FAM149B1: variants seen among roughly 807,000 people sequenced by gnomAD.
FAM149B1 encodes the protein family with sequence similarity 149 member B1.
In FAM149B1, 56 loss-of-function variants were observed where a neutral mutation model predicts 75.3. The ratio of observed to expected loss-of-function variants is 0.74; its 90% CI spans 0.60 to 0.93. The LOEUF (loss-of-function observed/expected upper bound fraction) is 0.93, where lower values mean the gene tolerates loss of function less well. Ranked by LOEUF, FAM149B1 falls within the 40% of genes least tolerant of loss-of-function variation. The pLI is 0.00. For missense variants in FAM149B1, 639 were observed against 708.4 expected (o/e 0.90, Z 1.11); for synonymous variants, 259 against 256.1 (o/e 1.01, Z -0.11).
chr10:73,183,688 G>A (rs1354428996), intron 3 of FAM149B1: 1 of 152,172 alleles, frequency 6.6e-6, no homozygotes, highest in Non-Finnish European at 1.5e-5. Flanking sequence ...GGACAAAATG[G>A]TGAGGTGCAA....
In FAM149B1 at chr10:73,193,521, T is replaced by C; in HGVS notation, c.470T>C (p.Leu157Ser). 1 of 1,550,436 alleles carries C rather than the reference T, an allele frequency of 6.4e-7. No individual in the cohort carries two copies. The highest frequency in any genetic ancestry group is 8.7e-7 in the Non-Finnish European group (1 of 1,146,580). The change falls in exon 5 of 14, where the codon TTG (leucine) becomes TCG (serine). Residue 157 changes from leucine to serine, a missense_variant. By Grantham distance (145) the Leu-to-Ser change is moderately radical (BLOSUM62 -2). Coordinates refer to ENST00000242505, the MANE Select transcript of FAM149B1 (RefSeq NM_173348.2). Reference sequence around the variant, plus strand: ...ATCACTCCAAGTGAAGGTTATAGATTGTATCCTAGATCCCCTTCTGCTGTT... The same window carrying C: ...ATCACTCCAAGTGAAGGTTATAGATCGTATCCTAGATCCCCTTCTGCTGTT... Reference protein sequence around the residue: ...QIITPSEGYRLYPRSPSAVSA... With the variant: ...QIITPSEGYRSYPRSPSAVSA...
intron 2 of FAM149B1, among the ~76,000 whole-genome samples, chr10:73,176,874 A>G (rs976048100): frequency 6.6e-6 from 1 of 152,180 alleles, no homozygotes; most frequent in Non-Finnish European, 1.5e-5. Flanking sequence ...TAAAAATACA[A>G]AAATTGGCTG....
chr10:73,181,836 GGTGT>G (rs1189352460), intron 3 of FAM149B1, among the ~76,000 whole-genome samples: 1 of 152,114 alleles, frequency 6.6e-6, no homozygotes, highest in Non-Finnish European at 1.5e-5. Flanking sequence ...CTGAAAGTTG[GGTGT>G]TGAAGTCTCC....
chr10:73,240,440 T>C (rs11000560), intron 13 of FAM149B1, among the ~76,000 whole-genome samples: 8,128 of 151,978 alleles, frequency 0.053, 259 homozygotes, highest in Admixed American at 0.077. Context: ...TGGCTGGGCG[T>C]GGTGGCTCAT....
chr10:73,210,245 T>C lies in FAM149B1; in HGVS notation c.711-6T>C. On this transcript the variant is annotated splice_polypyrimidine_tract_variant and splice_region_variant and intron_variant, in intron 6 of 13. Coordinates refer to ENST00000242505, the MANE Select transcript of FAM149B1 (RefSeq NM_173348.2). The stretch of plus-strand genomic sequence containing the variant: ...ATGAAGTCTTTCCTTCTTGCTTCTG[T>C]TACAGAGAAGAGGGATTTCATGGGA... 1 of 1,547,716 alleles carries C rather than the reference T, an allele frequency of 6.5e-7. No homozygotes were observed. The highest frequency in any genetic ancestry group is 8.7e-7 in the Non-Finnish European group (1 of 1,144,134).
At chr10:73,168,729 G>A in intron 1 of FAM149B1, 1 of 274,548 alleles carries the variant, frequency 3.6e-6, no homozygotes, top group Non-Finnish European at 6.8e-6. Context: ...ACTGTGCAAA[G>A]CTATTTACAT....
chr10:73,239,752 G>C (rs1261215432), intron 13 of FAM149B1, among the ~76,000 whole-genome samples: 1 of 151,828 alleles, frequency 6.6e-6, no homozygotes, highest in Non-Finnish European at 1.5e-5. Flanking sequence ...TATTATGCAG[G>C]CAAAATCCAT....
intron 3 of FAM149B1, among the ~76,000 whole-genome samples, chr10:73,188,731 AAG>A: frequency 7.3e-6 from 1 of 137,660 alleles, no homozygotes. Context: ...TCTCAGAAAA[AAG>A]AAAAAAAAAA....
At position 73,243,308 on chromosome 10, in the gene FAM149B1, A is replaced by G. The variant is rs2043974420; in HGVS notation, c.*2289A>G. ...GGCTGGAAAGACACCTTTTCTCAAGAGCTGAATTGACTTTTGCCTTCAAAT... is the reference window on the plus strand; with the variant it reads ...GGCTGGAAAGACACCTTTTCTCAAGGGCTGAATTGACTTTTGCCTTCAAAT... On this transcript the variant is annotated 3_prime_UTR_variant, in exon 14 of 14. Transcript: ENST00000242505. 7.0e-7 allele frequency: 1 copy of G among 1,434,652 alleles called. No homozygotes were observed. Among genetic ancestry groups the G allele is most frequent in the Non-Finnish European group, 9.6e-7 (1 of 1,044,718 alleles). The allele number at this position is 1,434,652 out of a possible 1,614,324, so 88.9% of individuals were successfully genotyped here.
chr10:73,193,692 T>C (rs1299780408), intron 5 of FAM149B1, 99 bp downstream of exon 5: 9 of 1,158,434 alleles, frequency 7.8e-6, no homozygotes, highest in African/African-American at 6.2e-5. Flanking sequence ...TTCCTACTTA[T>C]TAGTATTTAG....
Position 73,243,900 on chromosome 10 carries a change from C to T in FAM149B1, c.*2881C>T. On this transcript the variant is annotated 3_prime_UTR_variant, in exon 14 of 14. Transcript: ENST00000242505. ...CATCAAGCCCCAACTCCTTTCTGCTCATTTCTGCTTCTTTGGCCTCTTCCT... is the reference window on the plus strand; with the variant it reads ...CATCAAGCCCCAACTCCTTTCTGCTTATTTCTGCTTCTTTGGCCTCTTCCT... 1.2e-6 allele frequency: 2 copies of T among 1,614,136 alleles called. No individual in the cohort carries two copies. Among genetic ancestry groups the T allele is most frequent in the Non-Finnish European group, 1.7e-6 (2 of 1,180,022 alleles).
At chr10:73,189,738 C>G (rs2042634945) in intron 3 of FAM149B1, among the ~76,000 whole-genome samples, 1 of 152,144 alleles carries the variant, frequency 6.6e-6, no homozygotes, top group Non-Finnish European at 1.5e-5. Flanking sequence ...TTTGGAAAAG[C>G]TGCAAAGGAG....
At chr10:73,206,734 G>A (rs1357618685) in intron 5 of FAM149B1, among the ~76,000 whole-genome samples, 1 of 152,140 alleles carries the variant, frequency 6.6e-6, no homozygotes, top group East Asian at 1.9e-4. Context: ...GTGATCCATG[G>A]TGAAACCTTG....
At chr10:73,174,603 G>A in intron 1 of FAM149B1, 84 bp from the exon 2 acceptor site, 1 of 958,510 alleles carries the variant, frequency 1.0e-6, no homozygotes, top group Non-Finnish European at 1.6e-6. Flanking sequence ...AGCAGAGGAA[G>A]TAGGTGACTA....
chr10:73,243,537 A>T lies in FAM149B1; in HGVS notation c.*2518A>T. 1 of 1,613,706 alleles carries T rather than the reference A, an allele frequency of 6.2e-7. No homozygotes were observed. Among genetic ancestry groups the T allele is most frequent in the Non-Finnish European group, 8.5e-7 (1 of 1,179,902 alleles). On this transcript the variant is annotated 3_prime_UTR_variant, in exon 14 of 14. Transcript: ENST00000242505. ...TGTCTGCTCTGTTTGAGAAGTTAAA[A>T]CACAAGCTTTCACAACATTATCCAT...
chr10:73,236,430 T>C (rs1589196450), intron 12 of FAM149B1, among the ~76,000 whole-genome samples: 1 of 151,298 alleles, frequency 6.6e-6, no homozygotes, highest in African/African-American at 2.4e-5. Context: ...TTTTTTTTTT[T>C]TGAGACGGAG....
intron 5 of FAM149B1, among the ~76,000 whole-genome samples, chr10:73,202,269 C>T (rs919642608): frequency 4.0e-5 from 6 of 151,016 alleles, no homozygotes; most frequent in Non-Finnish European, 8.8e-5. Context: ...ATTTTTTCTT[C>T]TTATCTAGCT....
In FAM149B1 at chr10:73,168,372, A is replaced by G. The variant is rs1360597344; in HGVS notation, c.33A>G (p.Pro11=). The G allele has an allele frequency of 6.5e-7, 1 of 1,550,026 alleles. No homozygotes were observed. The highest frequency in any genetic ancestry group is 1.2e-5 in the South Asian group (1 of 83,986). MISRYTRKAV[P]QSLELKGITK... ...CCAGATACACTCGGAAGGCGGTGCC[A>G]CAGAGCTTGGAGCTGTGAGTGGACT... Residue 11 remains proline (P), a synonymous_variant, in exon 1 of 14, where the codon CCA becomes CCG. Coordinates refer to ENST00000242505, the MANE Select transcript of FAM149B1 (RefSeq NM_173348.2).
At chr10:73,207,099 G>C (rs1382351154) in intron 5 of FAM149B1, among the ~76,000 whole-genome samples, 1 of 152,212 alleles carries the variant, frequency 6.6e-6, no homozygotes, top group Non-Finnish European at 1.5e-5. Context: ...TGATGCAGGG[G>C]TGGAGTCCTC....
Sources: allele counts gnomAD v4.1 joint callset (sites outside exome capture counted in the v4.1 genomes callset), GRCh38; gene constraint gnomAD v4.1.1; transcripts MANE v1.5; gene names NCBI Gene and HGNC (gene_info 2026-07-23, HGNC 2026-07-21).